SLC47A2: variants seen among roughly 807,000 people sequenced by gnomAD.
SLC47A2 encodes multidrug and toxin extrusion protein 2.
Under a neutral mutation model 67.7 loss-of-function variants are expected in SLC47A2, and 52 were observed. The observed-to-expected ratio is 0.77, with a 90% CI of 0.61 to 0.97. The LOEUF (loss-of-function observed/expected upper bound fraction) is 0.97. Ranked by LOEUF, SLC47A2 falls within the 50% of genes least tolerant of loss-of-function variation. SLC47A2 has a pLI of 0.00. For synonymous variants in SLC47A2, 278 were observed against 292.9 expected, an observed-to-expected ratio of 0.95 and a Z score of 0.52; for missense variants, 676 against 712.3, an observed-to-expected ratio of 0.95 and a Z score of 0.58.
intron 13 of SLC47A2, among the ~76,000 whole-genome samples, chr17:19,687,616 GA>G (rs1202049925): frequency 2.0e-5 from 3 of 150,384 alleles, no homozygotes; most frequent in African/African-American, 7.3e-5. Flanking sequence ...GCCAGATGAA[GA>G]AAAAAAAGAG....
At position 19,707,004 on chromosome 17, in the gene SLC47A2, G is replaced by A. The variant is rs536112717; in HGVS notation, c.728-243C>T. 3.9e-5 allele frequency among the ~76,000 whole-genome samples: 6 copies of A among 152,288 alleles called. No individual in the cohort carries two copies. The East Asian group carries it at 5.8e-4, about 15-fold the overall frequency. ...CTGGCCAGTCCACGGTGTGGCCCCAGGGCTCAGGGCATGGGTGTTGGTCCC... is the reference window on the plus strand; with the variant it reads ...CTGGCCAGTCCACGGTGTGGCCCCAAGGCTCAGGGCATGGGTGTTGGTCCC... On this transcript the variant is annotated intron_variant, in intron 8 of 16. Coordinates refer to ENST00000433844, the MANE Select transcript of SLC47A2 (RefSeq NM_001099646.3).
intron 16 of SLC47A2, among the ~76,000 whole-genome samples, chr17:19,679,170 A>G (rs574111805): frequency 5.1e-4 from 78 of 152,330 alleles, no homozygotes; most frequent in Non-Finnish European, 5.6e-4. Context: ...GTTCTTGTCA[A>G]CGCTTGGCCC....
intron 13 of SLC47A2, among the ~76,000 whole-genome samples, chr17:19,697,160 A>AGGT (rs1343216958): frequency 6.6e-6 from 1 of 151,940 alleles, no homozygotes; most frequent in Admixed American, 6.6e-5. Context: ...AGCCAGGTGT[A>AGGT]GGTGGTGCAT....
In SLC47A2 at chr17:19,703,240, C is replaced by A. The variant is rs2152350153; in HGVS notation, c.1019-73G>T. On this transcript the variant is annotated intron_variant, in intron 11 of 16. Coordinates refer to ENST00000433844, the MANE Select transcript of SLC47A2 (RefSeq NM_001099646.3). The stretch of plus-strand genomic sequence containing the variant: ...CACCCTTGCTCAGATCAGCAAAGGG[C>A]TGGCCCCTATGTCAGTGCAAGTCAG... 3 of 1,435,282 alleles carry A rather than the reference C, an allele frequency of 2.1e-6. No homozygotes were observed. The South Asian group carries it at 3.5e-5, about 17-fold the overall frequency. 88.9% of individuals were successfully genotyped at this position (1,435,282 alleles called of 1,614,324 possible).
rs969962303 is a variant in SLC47A2 at position 19,681,588 on chromosome 17, C to T, written c.1247G>A (p.Gly416Asp). 2 of 1,614,168 alleles carry T rather than the reference C, an allele frequency of 1.2e-6. No individual in the cohort carries two copies. The highest frequency in any genetic ancestry group is 1.7e-6 in the Non-Finnish European group (2 of 1,180,022). ...AVNAITYYII[G>D]LPLGILLTFV... ...GGTCAGAAGGATGCCCAGTGGTAGG[C>T]CGATGATGTAATATGTGATGGCATT... The change falls in exon 14 of 17, where the codon GGC becomes GAC. Residue 416 changes from glycine (G) to aspartate (D), a missense_variant. Transcript: ENST00000433844.
rs201090632 is a variant in SLC47A2, at chr17:19,708,444, G to A, written c.532-45C>T. On this transcript the variant is annotated intron_variant, in intron 6 of 16. Coordinates refer to ENST00000433844, the MANE Select transcript of SLC47A2 (RefSeq NM_001099646.3). The stretch of plus-strand genomic sequence containing the variant: ...GCCCTGCTAAGGTGTGAGTGAGATG[G>A]ATGGAGGATGGACAAACCCGGGGTT... 8.8e-5 allele frequency: 142 copies of A among 1,614,074 alleles called. 1 individual carries two copies. The highest frequency in any genetic ancestry group is 7.9e-4 in the South Asian group (72 of 91,094).
Position 19,684,113 on chromosome 17 carries a change from A to G in SLC47A2, c.1165-2443T>C, listed in dbSNP as rs1468367080. On this transcript the variant is annotated intron_variant, in intron 13 of 16. Transcript: ENST00000433844. The stretch of plus-strand genomic sequence containing the variant: ...CTTTTTTAAGAGATGGAGTCTTGCT[A>G]TGTTACCCTGGCTGGTCTTGAACTC... Among the ~76,000 whole-genome samples the G allele has an allele frequency of 2.0e-5, 3 of 152,146 alleles. No individual in the cohort carries two copies. The East Asian group carries it at 5.8e-4, about 29-fold the overall frequency.
At chr17:19,680,459 A>G (rs1351700976) in intron 15 of SLC47A2, among the ~76,000 whole-genome samples, 1 of 152,216 alleles carries the variant, frequency 6.6e-6, no homozygotes, top group Non-Finnish European at 1.5e-5. Context: ...CATCCTGGGC[A>G]ACAGAGCGAT....
At position 19,704,551 on chromosome 17, in the gene SLC47A2, A is replaced by G. The variant is rs908248419; in HGVS notation, c.910-373T>C. 5 of 1,225,146 alleles carry G rather than the reference A, an allele frequency of 4.1e-6. No homozygotes were observed. In the African/African-American group the frequency reaches 6.1e-5, roughly 15 times the overall value. The allele number at this position is 1,225,146 out of a possible 1,614,324, so 75.9% of individuals were successfully genotyped here. A position where few individuals can be genotyped will look rare whatever the true frequency, so the allele number is the denominator to read the frequency against. On this transcript the variant is annotated intron_variant, in intron 10 of 16. Coordinates refer to ENST00000433844, the MANE Select transcript of SLC47A2 (RefSeq NM_001099646.3). ...GTAAGAAAAAAGATATTTCAGCAGA[A>G]ACCACTTGTAAAAATAAGAATCTCT...
At chr17:19,702,433 T>C (rs1390928038) in intron 13 of SLC47A2, 172 bp downstream of exon 13, 2 of 985,310 alleles carry the variant, frequency 2.0e-6, no homozygotes, top group African/African-American at 3.5e-5. Context: ...GAAGTCACTG[T>C]TTGAAATAAG....
At chr17:19,694,043 A>G (rs2085604323) in intron 13 of SLC47A2, among the ~76,000 whole-genome samples, 2 of 152,214 alleles carry the variant, frequency 1.3e-5, no homozygotes, top group African/African-American at 2.4e-5. Flanking sequence ...CATCCAAAGA[A>G]TAAAATTCTT....
Position 19,681,499 on chromosome 17 carries a change from G to T in SLC47A2, c.1298-38C>A, listed in dbSNP as rs151173119. ...AGTGATGATGGGAACAATGTCCGAC[G>T]ACCACCCAGGCCTCTCCCGACTTCC... On this transcript the variant is annotated intron_variant, in intron 14 of 16. Coordinates refer to ENST00000433844, the MANE Select transcript of SLC47A2 (RefSeq NM_001099646.3). The T allele has an allele frequency of 5.4e-5, 87 of 1,614,044 alleles. No individual in the cohort carries two copies. The African/African-American group carries it at 1.1e-3, about 21-fold the overall frequency.
At chr17:19,698,097 A>G (rs928921661) in intron 13 of SLC47A2, among the ~76,000 whole-genome samples, 2 of 152,164 alleles carry the variant, frequency 1.3e-5, no homozygotes, top group African/African-American at 2.4e-5. Flanking sequence ...AGATATTGAC[A>G]AACTGATTCT....
In SLC47A2 at chr17:19,680,099, G is replaced by C. The variant is rs532361325; in HGVS notation, c.1393-60C>G. Reference sequence around the variant, plus strand: ...CAGCTCAACAGTTCACCCCTTCACTGCTAGCCTCGCATTCTCTGTTTTTAA... The same window carrying C: ...CAGCTCAACAGTTCACCCCTTCACTCCTAGCCTCGCATTCTCTGTTTTTAA... On this transcript the variant is annotated intron_variant, in intron 15 of 16. Coordinates refer to ENST00000433844, the MANE Select transcript of SLC47A2 (RefSeq NM_001099646.3). 6.2e-4 allele frequency: 936 copies of C among 1,508,166 alleles called. 1 individual carries two copies. The highest frequency in any genetic ancestry group is 6.6e-4 in the Non-Finnish European group (720 of 1,096,982). 93.4% of individuals were successfully genotyped at this position (1,508,166 alleles called of 1,614,324 possible).
chr17:19,696,388 G>A (rs1321855293), intron 13 of SLC47A2, among the ~76,000 whole-genome samples: 1 of 150,842 alleles, frequency 6.6e-6, no homozygotes, highest in Non-Finnish European at 1.5e-5. Context: ...CTTGAACCCA[G>A]GAGGTGGAGG....
chr17:19,680,154 A>C, intron 15 of SLC47A2, 115 bp from the exon 16 acceptor site: 5 of 946,134 alleles, frequency 5.3e-6, no homozygotes, highest in Non-Finnish European at 7.9e-6. Flanking sequence ...GCATATATGC[A>C]TGTATTCATA....
At chr17:19,689,789 G>T (rs554557517) in intron 13 of SLC47A2, among the ~76,000 whole-genome samples, 4 of 151,882 alleles carry the variant, frequency 2.6e-5, no homozygotes, top group African/African-American at 9.7e-5. Context: ...CACAAAAAAT[G>T]GATATTCTAT....
intron 1 of SLC47A2, among the ~76,000 whole-genome samples, chr17:19,715,435 G>A (rs2086228113): frequency 6.7e-6 from 1 of 150,300 alleles, no homozygotes; most frequent in Non-Finnish European, 1.5e-5. Flanking sequence ...CTACCCAGAA[G>A]GGTCAGTGCC....
In SLC47A2 at chr17:19,704,053, G is replaced by C. The variant is rs1002548465; in HGVS notation, c.1018+17C>G. The C allele has an allele frequency of 1.3e-6, 2 of 1,587,242 alleles. No homozygotes were observed. Among genetic ancestry groups the C allele is most frequent in the Middle Eastern group, 1.7e-4 (1 of 5,942 alleles). ...AGGCCAACGTTTGAAGGCCCACCAG[G>C]AGAGGACTCCACCTACCTATGCTGA... On this transcript the variant is annotated intron_variant, in intron 11 of 16. Coordinates refer to ENST00000433844, the MANE Select transcript of SLC47A2 (RefSeq NM_001099646.3).
Sources: gnomAD v4.1 joint callset for allele counts (sites outside exome capture counted in the v4.1 genomes callset) on GRCh38, gnomAD v4.1.1 for gene constraint, MANE v1.5 for transcripts, NCBI Gene and HGNC (gene_info 2026-07-23, HGNC 2026-07-21) for gene names.